The following CLCN5 variants were observed in gnomAD, a reference collection of about 807,000 sequenced individuals.
The protein encoded by CLCN5 is Cl-/H+ antiporter 5.
In CLCN5, 17 loss-of-function variants were observed where a neutral mutation model predicts 54.0. That is an observed-to-expected ratio of 0.31 (90% CI 0.22 to 0.47). The LOEUF (loss-of-function observed/expected upper bound fraction) is 0.47, where lower values mean the gene tolerates loss of function less well. Among genes scored for constraint, CLCN5 ranks in the 20% least tolerant of loss-of-function variants. The probability of loss-of-function intolerance (pLI) is 1.00; values close to 1 mark genes in which losing one functional copy is unlikely to be tolerated. For missense variants in CLCN5, 448 were observed against 646.7 expected, an observed-to-expected ratio of 0.69 and a Z score of 3.33; for synonymous variants, 222 against 233.0, an observed-to-expected ratio of 0.95 and a Z score of 0.43.
chrX:50,086,251 T>G, intron 10 of CLCN5, 77 bp from the exon 11 acceptor site: 2 of 1,054,038 alleles, frequency 1.9e-6, no homozygotes, highest in Non-Finnish European at 2.6e-6. Flanking sequence ...TTGACTCTCA[T>G]GCCTGCAGCA....
At chrX:49,958,277 A>G (rs935109665) in intron 3 of CLCN5, among the ~76,000 whole-genome samples, 1 of 110,884 alleles carries the variant, frequency 9.0e-6, no homozygotes, top group Non-Finnish European at 1.9e-5. Context: ...TTTGAGATTC[A>G]TCCCAGTTGT....
intron 3 of CLCN5, among the ~76,000 whole-genome samples, chrX:49,934,889 T>C (rs1464404972): frequency 8.9e-6 from 1 of 112,066 alleles, no homozygotes; most frequent in Non-Finnish European, 1.9e-5. Context: ...ATGCTAAATC[T>C]TCTGGCCCTT....
rs191071006 is a variant in CLCN5 at position 49,925,360 on chromosome X, C to T, written c.16+46C>T. 5.0e-5 allele frequency: 57 copies of T among 1,148,686 alleles called. No individual in the cohort carries two copies. In the African/African-American group the frequency reaches 9.6e-4, roughly 19 times the overall value. 94.7% of individuals were successfully genotyped at this position (1,148,686 alleles called of 1,213,427 possible). On this transcript the variant is annotated intron_variant, in intron 3 of 14. Coordinates refer to ENST00000376091, the MANE Select transcript of CLCN5 (RefSeq NM_001127898.4). Reference sequence around the variant, plus strand: ...CTTCTAACTGGTTTTTCCTCCTACTCTATTCTCTACCCTCACCCAACCGTT... The same window carrying T: ...CTTCTAACTGGTTTTTCCTCCTACTTTATTCTCTACCCTCACCCAACCGTT...
rs1934238269 is a variant in CLCN5, at chrX:50,095,576, G to T, written c.*3357G>T. On this transcript the variant is annotated 3_prime_UTR_variant, in exon 15 of 15. Transcript: ENST00000376091. Reference sequence around the variant, plus strand: ...TAATTTGTGATTGAACTGAAAAGCAGTTGAATTGTTTTGACACCAGAGGCT... The same window carrying T: ...TAATTTGTGATTGAACTGAAAAGCATTTGAATTGTTTTGACACCAGAGGCT... The T allele has an allele frequency of 8.9e-6, 1 of 112,605 alleles. No individual in the cohort carries two copies. Among genetic ancestry groups the T allele is most frequent in the African/African-American group, 3.2e-5 (1 of 31,016 alleles). 9.3% of individuals were successfully genotyped at this position (112,605 alleles called of 1,213,427 possible). A position where few individuals can be genotyped will look rare whatever the true frequency, so the allele number is the denominator to read the frequency against.
chrX:49,940,056 A>C (rs900405134), intron 3 of CLCN5, among the ~76,000 whole-genome samples: 1 of 111,553 alleles, frequency 9.0e-6, no homozygotes, highest in Non-Finnish European at 1.9e-5. Context: ...TGAATCTTTT[A>C]GTTTTGAAGC....
chrX:50,017,943 T>A (rs1930872196), intron 3 of CLCN5, among the ~76,000 whole-genome samples: 2 of 111,677 alleles, frequency 1.8e-5, no homozygotes, highest in South Asian at 7.5e-4. Context: ...TTCAAAATTG[T>A]GTTGGCTATT....
At chrX:49,991,128 T>G (rs1557178899) in intron 3 of CLCN5, among the ~76,000 whole-genome samples, 1 of 112,463 alleles carries the variant, frequency 8.9e-6, no homozygotes, top group African/African-American at 3.2e-5. Flanking sequence ...TTAAGGAATC[T>G]CCATACTGTT....
At chrX:49,972,112 GGTGTGTGTGTGTGTGTGTGTGTGT>G (rs61157983) in intron 3 of CLCN5, among the ~76,000 whole-genome samples, 8 of 86,591 alleles carry the variant, frequency 9.2e-5, no homozygotes, top group Non-Finnish European at 1.4e-4. Context: ...TGCATTCTCT[GGTGTGTGTGTGTGTGTGTGTGTGT>G]GTGTGTGTGT....
intron 3 of CLCN5, among the ~76,000 whole-genome samples, chrX:49,946,898 G>A (rs1198748519): frequency 1.8e-5 from 2 of 109,507 alleles, no homozygotes; most frequent in South Asian, 4.0e-4. Context: ...GCGTGATCTC[G>A]GCTCACCACA....
At chrX:49,930,260 C>T (rs1392568841) in intron 3 of CLCN5, among the ~76,000 whole-genome samples, 2 of 111,885 alleles carry the variant, frequency 1.8e-5, no homozygotes, top group African/African-American at 6.5e-5. Context: ...CAGATGTTCT[C>T]ATACACTTGT....
chrX:50,007,169 A>C (rs1930191039), intron 3 of CLCN5, among the ~76,000 whole-genome samples: 1 of 111,792 alleles, frequency 8.9e-6, no homozygotes, highest in African/African-American at 3.3e-5. Context: ...CTTCCTTGTT[A>C]ATGTTCTCTC....
At chrX:50,043,188 G>A (rs1317502320) in intron 4 of CLCN5, among the ~76,000 whole-genome samples, 3 of 111,649 alleles carry the variant, frequency 2.7e-5, no homozygotes, top group Non-Finnish European at 3.8e-5. Flanking sequence ...GAATGCATTC[G>A]TAAAATTAAA....
Position 50,081,670 on chromosome X carries a change from T to C in CLCN5, c.756T>C (p.Ile252=). The change falls in exon 9 of 15, where the codon ATT becomes ATC. Residue 252 remains isoleucine (I), a synonymous_variant. Coordinates refer to ENST00000376091, the MANE Select transcript of CLCN5 (RefSeq NM_001127898.4). ...AAACTATCTTGAGTGGTTTCATTAT[T>C]AGGGGCTATTTGGGTAAGTGGACTC... The part of the protein sequence containing the change: ...EIKTILSGFI[I]RGYLGKWTLV... 1 of 1,209,462 alleles carries C rather than the reference T, an allele frequency of 8.3e-7. No homozygotes were observed. Among genetic ancestry groups the C allele is most frequent in the Non-Finnish European group, 1.1e-6 (1 of 893,475 alleles).
chrX:49,939,657 G>C (rs1926220062), intron 3 of CLCN5, among the ~76,000 whole-genome samples: 1 of 110,601 alleles, frequency 9.0e-6, no homozygotes, highest in African/African-American at 3.3e-5. Context: ...GGGTAGAGGG[G>C]AGGGATAGCA....
intron 3 of CLCN5, among the ~76,000 whole-genome samples, chrX:50,033,074 A>G (rs1196923348): frequency 9.0e-6 from 1 of 110,616 alleles, no homozygotes; most frequent in Non-Finnish European, 1.9e-5. Flanking sequence ...TGTTCCATTG[A>G]TCTATATCTC....
intron 8 of CLCN5, 67 bp from the exon 9 acceptor site, chrX:50,081,574 G>T (rs1395918194): frequency 1.1e-5 from 10 of 891,509 alleles, no homozygotes; most frequent in Non-Finnish European, 1.5e-5. Context: ...ATGAGGTCCA[G>T]ATTTTTGCTT....
Position 50,042,389 on chromosome X carries a change from G to A in CLCN5, c.90G>A (p.Leu30=). ...SFQNSSSDED[L]MDIPATAMDF... ...AGAACAGCTCCAGTGATGAAGACCTGATGGACATTCCAGCAACCGCTATGG... is the reference window on the plus strand; with the variant it reads ...AGAACAGCTCCAGTGATGAAGACCTAATGGACATTCCAGCAACCGCTATGG... Residue 30 remains leucine (L), a synonymous_variant, in exon 4 of 15, where the codon CTG becomes CTA. Transcript: ENST00000376091. 1.7e-6 allele frequency: 2 copies of A among 1,168,358 alleles called. No homozygotes were observed. Among genetic ancestry groups the A allele is most frequent in the Non-Finnish European group, 2.3e-6 (2 of 871,336 alleles).
intron 3 of CLCN5, among the ~76,000 whole-genome samples, chrX:49,928,841 C>T (rs1384978354): frequency 9.0e-6 from 1 of 111,358 alleles, no homozygotes; most frequent in African/African-American, 3.3e-5. Flanking sequence ...AGGAGAATGG[C>T]GTGAACCCAG....
intron 3 of CLCN5, among the ~76,000 whole-genome samples, chrX:49,934,469 C>T (rs1378503096): frequency 2.7e-5 from 3 of 111,228 alleles, no homozygotes; most frequent in African/African-American, 9.8e-5. Context: ...CTCTTAACTA[C>T]CCAGTATTTA....
Sources: allele counts gnomAD v4.1 joint callset (sites outside exome capture counted in the v4.1 genomes callset), GRCh38; gene constraint gnomAD v4.1.1; transcripts MANE v1.5; gene names NCBI Gene and HGNC (gene_info 2026-07-23, HGNC 2026-07-21).